PLXNA2: variants seen among roughly 807,000 people sequenced by gnomAD.
PLXNA2 encodes plexin A2, also known as plexin-A2.
Under a neutral mutation model 193.5 loss-of-function variants are expected in PLXNA2, and 91 were observed. The observed-to-expected ratio is 0.47, with a 90% confidence interval of 0.40 to 0.56. The LOEUF (loss-of-function observed/expected upper bound fraction) is 0.56, where lower values mean the gene tolerates loss of function less well. Among genes scored for constraint, PLXNA2 ranks in the 20% least tolerant of loss-of-function variants. The pLI is 0.00. For missense variants in PLXNA2, 1,995 were observed against 2,503.2 expected (o/e 0.80, Z 4.33); for synonymous variants, 997 against 1,027.3 (o/e 0.97, Z 0.56).
chr1:208,183,270 G>A (rs1432101990), intron 3 of PLXNA2, among the ~76,000 whole-genome samples: 1 of 152,204 alleles, frequency 6.6e-6, no homozygotes, highest in Non-Finnish European at 1.5e-5. Flanking sequence ...TCCTGAATCC[G>A]GAGGGAGGGC....
At chr1:208,098,487 CACACAT>C (rs1170818761) in intron 6 of PLXNA2, among the ~76,000 whole-genome samples, 9 of 151,658 alleles carry the variant, frequency 5.9e-5, no homozygotes, top group African/African-American at 2.2e-4. Flanking sequence ...CACACACACA[CACACAT>C]GCAACTCACA....
At position 208,038,903 on chromosome 1, in the gene PLXNA2, C is replaced by T. The variant is rs1664763606; in HGVS notation, c.4582G>A (p.Val1528Ile). 2 of 1,613,936 alleles carry T rather than the reference C, an allele frequency of 1.2e-6. No individual in the cohort carries two copies. Among genetic ancestry groups the T allele is most frequent in the Admixed American group, 1.7e-5 (1 of 60,004 alleles). ...KVLNCDTITQ[V>I]KEKILDAVYK... ...ACGGCATCAAGAATCTTCTCCTTGACCTGTGTGATGGTGTCACAGTTTAAC... is the reference window on the plus strand; with the variant it reads ...ACGGCATCAAGAATCTTCTCCTTGATCTGTGTGATGGTGTCACAGTTTAAC... Residue 1528 changes from valine (V) to isoleucine (I), a missense_variant, in exon 25 of 32, where the codon GTC (valine) becomes ATC (isoleucine). Val to Ile is a conservative substitution (Grantham distance 29, BLOSUM62 3). Transcript: ENST00000367033. The surrounding 1 kb of genome is among the most constrained non-coding windows in gnomAD (Gnocchi z 4.1).
At chr1:208,074,566 G>A (rs977587897) in intron 12 of PLXNA2, among the ~76,000 whole-genome samples, 7 of 152,190 alleles carry the variant, frequency 4.6e-5, no homozygotes, top group Non-Finnish European at 7.3e-5. Flanking sequence ...TGGGTCCCTC[G>A]GGTGGGCCTG....
chr1:208,044,854 T>C lies in PLXNA2; in HGVS notation c.3640-112A>G, dbSNP rs182534840. On this transcript the variant is annotated intron_variant, in intron 19 of 31. Transcript: ENST00000367033. The surrounding 1 kb of genome is among the most constrained non-coding windows in gnomAD (Gnocchi z 4.9). Reference sequence around the variant, plus strand: ...GACATGACAGACCACAACCACACAGTGCAGCTCTAGATAAAAAGCAATTTC... The same window carrying C: ...GACATGACAGACCACAACCACACAGCGCAGCTCTAGATAAAAAGCAATTTC... The C allele has an allele frequency of 6.9e-4, 694 of 1,000,598 alleles. 7 individuals carry two copies. In the African/African-American group the frequency reaches 0.01, roughly 15 times the overall value. The allele number at this position is 1,000,598 out of a possible 1,614,324, so 62.0% of individuals were successfully genotyped here. A position where few individuals can be genotyped will look rare whatever the true frequency, so the allele number is the denominator to read the frequency against.
At chr1:208,228,935 C>A (rs1338825487) in intron 1 of PLXNA2, among the ~76,000 whole-genome samples, 1 of 152,106 alleles carries the variant, frequency 6.6e-6, no homozygotes. Context: ...CCTCTCATGG[C>A]CCTCGGGTGA....
intron 3 of PLXNA2, among the ~76,000 whole-genome samples, chr1:208,200,541 C>T (rs1670512102): frequency 1.3e-5 from 2 of 151,398 alleles, no homozygotes; most frequent in South Asian, 4.2e-4. Flanking sequence ...TTCAGAATCA[C>T]CATCTGCAAC....
Position 208,052,351 on chromosome 1 carries a change from C to T in PLXNA2, c.2969G>A (p.Gly990Asp). The T allele has an allele frequency of 6.2e-7, 1 of 1,613,284 alleles. No homozygotes were observed. Among genetic ancestry groups the T allele is most frequent in the South Asian group, 1.1e-5 (1 of 91,026 alleles). ...CCCGTAGAACTCGCAGGTCTGGTTG[C>T]CCAGGTAGACTGCCACGCTGCTCCC... is the stretch of plus-strand genomic sequence containing the variant. ...GAGSSVAVYLGNQTCEFYGRS... is the reference protein window; with the variant it reads ...GAGSSVAVYLDNQTCEFYGRS... The change falls in exon 15 of 32, where the codon GGC becomes GAC. Residue 990 changes from glycine (G) to aspartate (D), a missense_variant. Gly to Asp is a moderately conservative substitution (Grantham distance 94, BLOSUM62 -1). This residue lies in a region of PLXNA2 where 1,291 missense variants were observed against 1,673.6 expected (regional missense o/e 0.77). Coordinates refer to ENST00000367033, the MANE Select transcript of PLXNA2 (RefSeq NM_025179.4).
At chr1:208,091,291 T>A (rs1282936729) in intron 9 of PLXNA2, among the ~76,000 whole-genome samples, 1 of 152,020 alleles carries the variant, frequency 6.6e-6, no homozygotes, top group Non-Finnish European at 1.5e-5. Context: ...TTCAAAGGGG[T>A]ATGTGTTTGA....
Position 208,079,515 on chromosome 1 carries a change from T to G in PLXNA2, c.2396-65A>C, listed in dbSNP as rs892817863. The G allele has an allele frequency of 2.4e-6, 3 of 1,231,434 alleles. No homozygotes were observed. In the African/African-American group the frequency reaches 4.5e-5, roughly 18 times the overall value. 76.3% of individuals were successfully genotyped at this position (1,231,434 alleles called of 1,614,324 possible). On this transcript the variant is annotated intron_variant, in intron 11 of 31. Coordinates refer to ENST00000367033, the MANE Select transcript of PLXNA2 (RefSeq NM_025179.4). ...GGCTGCTCACAATGCACCCTCCTCT[T>G]GCAGGTGTGATAGAAATGATAGAAA...
chr1:208,098,456 T>TCACACACACACACA (rs1214971611), intron 6 of PLXNA2, among the ~76,000 whole-genome samples: 4 of 109,104 alleles, frequency 3.7e-5, no homozygotes, highest in Non-Finnish European at 5.8e-5. Context: ...TCTCTCTCTC[T>TCACACACACACACA]CTCACACACA....
rs368385236 is a variant in PLXNA2, at chr1:208,058,676, C to T, written c.2738+2010G>A. 7.2e-4 allele frequency among the ~76,000 whole-genome samples: 109 copies of T among 152,208 alleles called. 1 individual carries two copies. In the South Asian group the frequency reaches 0.022, roughly 30 times the overall value. ...TACCTGAAGTGGTGGTTTTCTGGGG[C>T]GACCACCAGCCTCTGCAGGAATGCA... is the stretch of plus-strand genomic sequence containing the variant. On this transcript the variant is annotated intron_variant, in intron 13 of 31. Transcript: ENST00000367033.
intron 12 of PLXNA2, among the ~76,000 whole-genome samples, chr1:208,075,926 T>C (rs1666131433): frequency 6.6e-6 from 1 of 150,724 alleles, no homozygotes; most frequent in Non-Finnish European, 1.5e-5. Context: ...GGCGTGGTGG[T>C]GCATGCCTGT....
At chr1:208,219,617 G>T (rs527611918) in intron 1 of PLXNA2, among the ~76,000 whole-genome samples, 2 of 152,318 alleles carry the variant, frequency 1.3e-5, no homozygotes, top group African/African-American at 4.8e-5. Context: ...AATTAGAACA[G>T]ACACCACTTA....
intron 4 of PLXNA2, among the ~76,000 whole-genome samples, chr1:208,129,364 G>T (rs996880389): frequency 1.3e-5 from 2 of 152,090 alleles, no homozygotes; most frequent in Admixed American, 6.5e-5. Flanking sequence ...CCAGGGGCTG[G>T]GTGCATGATG....
chr1:208,142,165 C>T (rs77721773), intron 4 of PLXNA2, among the ~76,000 whole-genome samples, 164 bp downstream of exon 4: 8,912 of 152,316 alleles, frequency 0.059, 305 homozygotes, highest in Non-Finnish European at 0.076. Flanking sequence ...GGCTGCTTCT[C>T]TCTAGCTCCC....
intron 1 of PLXNA2, among the ~76,000 whole-genome samples, chr1:208,224,031 C>T (rs892292185): frequency 6.6e-6 from 1 of 152,158 alleles, no homozygotes; most frequent in African/African-American, 2.4e-5. Context: ...TACTGAAGGA[C>T]CTGTCTTCAT....
At position 208,244,323 on chromosome 1, in the gene PLXNA2, G is replaced by A; in HGVS notation, c.-761C>T. On this transcript the variant is annotated 5_prime_UTR_variant, in exon 1 of 32. Transcript: ENST00000367033. ...CCGCGGTGGCGGCGGCGGCGGCGGC[G>A]GCGGCGGCGGCGGAGGAGCCCTGAG... 4.9e-6 allele frequency: 1 copy of A among 203,964 alleles called. No individual in the cohort carries two copies. The highest frequency in any genetic ancestry group is 9.6e-6 in the Non-Finnish European group (1 of 104,518). The allele number at this position is 203,964 out of a possible 1,614,324, so 12.6% of individuals were successfully genotyped here. A position where few individuals can be genotyped will look rare whatever the true frequency, so the allele number is the denominator to read the frequency against.
At chr1:208,239,049 A>G (rs920730522) in intron 1 of PLXNA2, among the ~76,000 whole-genome samples, 5 of 152,116 alleles carry the variant, frequency 3.3e-5, no homozygotes, top group Admixed American at 6.5e-5. Flanking sequence ...AAACAGACAG[A>G]GGCCCAAAGG....
At chr1:208,087,639 C>T (rs560136884) in intron 9 of PLXNA2, among the ~76,000 whole-genome samples, 7 of 152,134 alleles carry the variant, frequency 4.6e-5, no homozygotes, top group South Asian at 2.1e-4. Flanking sequence ...AGGAAAGAAG[C>T]GGTTGGTGCC....
Sources: allele counts gnomAD v4.1 joint callset (sites outside exome capture counted in the v4.1 genomes callset), GRCh38; gene constraint gnomAD v4.1.1; regional missense constraint gnomAD v4.1.1; non-coding constraint Gnocchi (gnomAD v3.1); transcripts MANE v1.5; gene names NCBI Gene and HGNC (gene_info 2026-07-23, HGNC 2026-07-21).